Variants in CSMD3 observed in about 807,000 individuals in gnomAD.
CSMD3 encodes CUB and Sushi multiple domains 3.
CSMD3 carries 177 observed loss-of-function variants against 435.2 expected under a neutral mutation model. The observed-to-expected ratio is 0.41, with a 90% CI of 0.36 to 0.46. CSMD3 has a LOEUF of 0.46. Among genes scored for constraint, CSMD3 ranks in the 20% least tolerant of loss-of-function variants. The pLI is 0.34. For missense variants in CSMD3, 4,265 were observed against 4,504.6 expected (o/e 0.95, Z 1.52); for synonymous variants, 1,656 against 1,520.5 (o/e 1.09, Z -2.07).
chr8:112,268,706 T>G (rs1194989552), intron 59 of CSMD3, among the ~76,000 whole-genome samples: 1 of 152,206 alleles, frequency 6.6e-6, no homozygotes, highest in Non-Finnish European at 1.5e-5. Context: ...ACGAAAATGC[T>G]TGCTTGAGCA....
chr8:113,162,372 C>A (rs1251207846), intron 4 of CSMD3, among the ~76,000 whole-genome samples: 1 of 151,806 alleles, frequency 6.6e-6, no homozygotes, highest in Non-Finnish European at 1.5e-5. Context: ...TCGAGACCAG[C>A]CTGACCAACA....
chr8:112,472,739 G>A, intron 31 of CSMD3, 32 bp from the exon 32 acceptor site: 1 of 1,233,822 alleles, frequency 8.1e-7, no homozygotes, highest in South Asian at 1.2e-5. Context: ...ATCATTTTTA[G>A]AAAAAAGTTT....
intron 3 of CSMD3, among the ~76,000 whole-genome samples, chr8:113,213,600 T>A (rs2092865685): frequency 6.6e-6 from 1 of 152,042 alleles, no homozygotes; most frequent in Non-Finnish European, 1.5e-5. Flanking sequence ...AACTCTTCAG[T>A]CAGTTTAGAT....
intron 1 of CSMD3, among the ~76,000 whole-genome samples, chr8:113,321,561 A>G (rs772007423): frequency 6.6e-6 from 1 of 152,108 alleles, no homozygotes; most frequent in African/African-American, 2.4e-5. Flanking sequence ...TTTACAATGT[A>G]ATTTTTTATG....
At chr8:112,929,520 T>C (rs1587696015) in intron 9 of CSMD3, among the ~76,000 whole-genome samples, 2 of 152,128 alleles carry the variant, frequency 1.3e-5, no homozygotes, top group African/African-American at 4.8e-5. Flanking sequence ...ATATGATGTT[T>C]TTATTCTGCT....
chr8:112,837,827 T>A (rs1271665874), intron 11 of CSMD3, among the ~76,000 whole-genome samples: 1 of 151,784 alleles, frequency 6.6e-6, no homozygotes, highest in Non-Finnish European at 1.5e-5. Flanking sequence ...ATATTAACAA[T>A]TATTTTTGCT....
At position 112,301,893 on chromosome 8, in the gene CSMD3, T is replaced by C; in HGVS notation, c.8340A>G (p.Thr2780=). The change falls in exon 53 of 71, where the codon ACA becomes ACG. Residue 2780 remains threonine (T), a synonymous_variant. Transcript: ENST00000297405. ...KIGTQTSYGS[T]AIFTCDLGFM... Reference sequence around the variant, plus strand: ...ATCCCAAGTCGCAGGTAAAGATAGCTGTTGAGCCATATGAAGTTTGAGTTC... The same window carrying C: ...ATCCCAAGTCGCAGGTAAAGATAGCCGTTGAGCCATATGAAGTTTGAGTTC... 3.7e-6 allele frequency: 6 copies of C among 1,613,238 alleles called. No individual in the cohort carries two copies. The highest frequency in any genetic ancestry group is 5.1e-6 in the Non-Finnish European group (6 of 1,179,298).
At chr8:112,918,811 G>C (rs547654871) in intron 10 of CSMD3, among the ~76,000 whole-genome samples, 2 of 151,920 alleles carry the variant, frequency 1.3e-5, no homozygotes, top group Admixed American at 6.6e-5. Context: ...ACCATTTCTT[G>C]ATTGCTCAAC....
At chr8:112,568,729 A>C (rs542302633) in intron 24 of CSMD3, among the ~76,000 whole-genome samples, 1 of 152,284 alleles carries the variant, frequency 6.6e-6, no homozygotes. Context: ...AGAGCTAAAA[A>C]TATTAATCAT....
chr8:113,398,573 T>C (rs981002404), intron 1 of CSMD3, among the ~76,000 whole-genome samples: 2 of 152,166 alleles, frequency 1.3e-5, no homozygotes, highest in Non-Finnish European at 2.9e-5. Context: ...CATTTATAGA[T>C]GAGTTGGGAA....
chr8:113,432,598 C>A (rs1374056777), intron 1 of CSMD3, among the ~76,000 whole-genome samples: 2 of 152,206 alleles, frequency 1.3e-5, no homozygotes, highest in Non-Finnish European at 2.9e-5. Flanking sequence ...CTGGCCTTTC[C>A]GTCGTCGTTG....
In CSMD3 at chr8:112,755,355, T is replaced by TAAC. The variant is rs375506904; in HGVS notation, c.1972+44806_1972+44807insGTT. Among the ~76,000 whole-genome samples, 215 of 147,122 alleles carry TAAC rather than the reference T, an allele frequency of 1.5e-3. 2 individuals are homozygous for TAAC. Among genetic ancestry groups the TAAC allele is most frequent in the Admixed American group, 5.2e-3 (77 of 14,690 alleles). On this transcript the variant is annotated intron_variant, in intron 13 of 70. Coordinates refer to ENST00000297405, the MANE Select transcript of CSMD3 (RefSeq NM_198123.2). ...CAAATAATAATAATAATAATAATAATAATAATAATAATAATAATGAGGGCG... is the reference window on the plus strand; with the variant it reads ...CAAATAATAATAATAATAATAATAATAACAATAATAATAATAATAATGAGGGCG...
intron 4 of CSMD3, among the ~76,000 whole-genome samples, chr8:113,141,032 T>C (rs1348489888): frequency 6.6e-6 from 1 of 150,532 alleles, no homozygotes; most frequent in African/African-American, 2.4e-5. Flanking sequence ...ACCCTGAAGA[T>C]AGAAAAAAGT....
intron 1 of CSMD3, among the ~76,000 whole-genome samples, chr8:113,356,968 G>C (rs2094233970): frequency 6.6e-6 from 1 of 151,670 alleles, no homozygotes; most frequent in South Asian, 2.1e-4. Context: ...TTAAAGTCCT[G>C]GATATTATTA....
At chr8:113,032,308 T>C (rs981979356) in intron 5 of CSMD3, among the ~76,000 whole-genome samples, 7 of 151,650 alleles carry the variant, frequency 4.6e-5, no homozygotes, top group Admixed American at 3.9e-4. Flanking sequence ...TGAATAGTTT[T>C]GACCAAAATG....
intron 22 of CSMD3, among the ~76,000 whole-genome samples, chr8:112,624,788 C>G (rs1034157434): frequency 1.3e-5 from 2 of 151,968 alleles, no homozygotes; most frequent in Admixed American, 6.6e-5. Flanking sequence ...CTACTAAAAG[C>G]CTGAAAATTC....
At chr8:112,726,258 CA>C (rs2076962502) in intron 13 of CSMD3, among the ~76,000 whole-genome samples, 1 of 151,902 alleles carries the variant, frequency 6.6e-6, no homozygotes, top group African/African-American at 2.4e-5. Context: ...GGTGGAAAAA[CA>C]AAGCATAACC....
intron 1 of CSMD3, among the ~76,000 whole-genome samples, chr8:113,388,281 GTGGCAA>G (rs1310006417): frequency 6.6e-6 from 1 of 151,398 alleles, no homozygotes; most frequent in Non-Finnish European, 1.5e-5. Context: ...GAAGTAAAAA[GTGGCAA>G]TGGAATATAA....
intron 35 of CSMD3, among the ~76,000 whole-genome samples, chr8:112,394,906 A>T (rs1367426043): frequency 6.6e-6 from 1 of 152,164 alleles, no homozygotes; most frequent in Non-Finnish European, 1.5e-5. Flanking sequence ...CACTCAATAA[A>T]TTATTGCTGA....
Sources: allele counts gnomAD v4.1 joint callset (sites outside exome capture counted in the v4.1 genomes callset), GRCh38; gene constraint gnomAD v4.1.1; transcripts MANE v1.5; gene names NCBI Gene and HGNC (gene_info 2026-07-23, HGNC 2026-07-21).